CD4: variants seen among roughly 807,000 people sequenced by gnomAD.
CD4 encodes the protein T-cell surface glycoprotein CD4.
A neutral mutation model predicts 50.5 loss-of-function variants in CD4; 25 were observed. The ratio of observed to expected loss-of-function variants is 0.49; its 90% CI spans 0.36 to 0.69. The LOEUF (loss-of-function observed/expected upper bound fraction) is 0.69. CD4 is among the 30% of genes least tolerant of loss of function. CD4 has a pLI of 0.00. For missense variants in CD4, 456 were observed against 548.5 expected (o/e 0.83, Z 1.68); for synonymous variants, 207 against 221.9 (o/e 0.93, Z 0.60).
chr12:6,797,300 A>T (rs1942400999), intron 1 of CD4, among the ~76,000 whole-genome samples: 1 of 151,290 alleles, frequency 6.6e-6, no homozygotes, highest in Admixed American at 6.6e-5. Flanking sequence ...CTTCATCCAA[A>T]CCCTGGACCA....
At chr12:6,805,474 T>A (rs1172160321) in intron 3 of CD4, among the ~76,000 whole-genome samples, 2 of 151,226 alleles carry the variant, frequency 1.3e-5, no homozygotes, top group African/African-American at 4.9e-5. Context: ...GGCAGGAGAA[T>A]TGCTTCAACC....
chr12:6,815,758 A>G (rs749649433), intron 5 of CD4: 60 of 1,400,984 alleles, frequency 4.3e-5, no homozygotes, highest in Non-Finnish European at 5.7e-5. Context: ...TAAGGAGTGG[A>G]GGCCAAATGG....
chr12:6,802,729 A>G (rs916936137), intron 3 of CD4, among the ~76,000 whole-genome samples: 1 of 151,894 alleles, frequency 6.6e-6, no homozygotes, highest in African/African-American at 2.4e-5. Context: ...GAGACTACCA[A>G]TTATTAGACT....
intron 3 of CD4, among the ~76,000 whole-genome samples, chr12:6,808,395 G>A (rs1245156303): frequency 2.7e-4 from 33 of 122,672 alleles, no homozygotes; most frequent in Non-Finnish European, 3.4e-4. Context: ...AAGTTGCAGC[G>A]AGCCGAGATC....
chr12:6,805,984 C>T (rs1169483003), intron 3 of CD4, among the ~76,000 whole-genome samples: 1 of 151,766 alleles, frequency 6.6e-6, no homozygotes, highest in African/African-American at 2.4e-5. Flanking sequence ...AATAATTTTG[C>T]TCTGCAAAAT....
intron 7 of CD4, 103 bp downstream of exon 7, chr12:6,817,433 G>C: frequency 1.0e-6 from 1 of 976,336 alleles, no homozygotes; most frequent in Non-Finnish European, 1.6e-6. Flanking sequence ...CTGAGTTGGG[G>C]GGTTATGGGT....
chr12:6,817,876 CACACTT>C (rs1943131268), intron 7 of CD4, among the ~76,000 whole-genome samples: 1 of 149,292 alleles, frequency 6.7e-6, no homozygotes, highest in South Asian at 2.2e-4. Flanking sequence ...CATGCACACA[CACACTT>C]ACACATTCAC....
At chr12:6,813,752 A>T (rs1400835978) in intron 3 of CD4, 2 of 161,642 alleles carry the variant, frequency 1.2e-5, no homozygotes, top group African/African-American at 4.8e-5. Context: ...TAATTACTTA[A>T]TCTCAATATG....
chr12:6,801,797 T>G (rs910131216), intron 3 of CD4, among the ~76,000 whole-genome samples: 8 of 150,388 alleles, frequency 5.3e-5, no homozygotes, highest in African/African-American at 2.0e-4. Flanking sequence ...CCTGACCTCG[T>G]GATTTACCCT....
intron 3 of CD4, among the ~76,000 whole-genome samples, chr12:6,806,764 CA>C (rs1169539121): frequency 1.3e-5 from 2 of 152,340 alleles, no homozygotes; most frequent in Admixed American, 1.3e-4. Flanking sequence ...AAAATTGGAA[CA>C]CCACCAAATG....
In CD4 at chr12:6,790,141, A is replaced by AT. The variant is rs767737542; in HGVS notation, c.-68+479_-68+480insT. On this transcript the variant is annotated intron_variant, in intron 1 of 9. Coordinates refer to ENST00000011653, the MANE Select transcript of CD4 (RefSeq NM_000616.5). Reference sequence around the variant, plus strand: ...TATAAAAAAGAAATGATGAGGAAAAACATAAAAACAAGAAAAAGAGCAAAA... The same window carrying AT: ...TATAAAAAAGAAATGATGAGGAAAAATCATAAAAACAAGAAAAAGAGCAAAA... 3.1e-3 allele frequency among the ~76,000 whole-genome samples: 263 copies of AT among 84,826 alleles called. 1 individual carries two copies. The highest frequency in any genetic ancestry group is 5.4e-3 in the Non-Finnish European group (224 of 41,190). The allele number at this position is 84,826 out of a possible 152,430, so 55.6% of individuals were successfully genotyped here.
chr12:6,806,134 ACC>A, intron 3 of CD4, among the ~76,000 whole-genome samples: 1 of 120,356 alleles, frequency 8.3e-6, no homozygotes, highest in Non-Finnish European at 1.8e-5. Flanking sequence ...CCCCGTCTCT[ACC>A]AAAAAAAAAA....
At chr12:6,793,391 C>T (rs999599602) in intron 1 of CD4, among the ~76,000 whole-genome samples, 1 of 152,130 alleles carries the variant, frequency 6.6e-6, no homozygotes, top group African/African-American at 2.4e-5. Flanking sequence ...ATGGAGACTT[C>T]CCCTCTTTCA....
At position 6,805,007 on chromosome 12, in the gene CD4, C is replaced by G. The variant is rs1423723965; in HGVS notation, c.214+4536C>G. 1.7e-5 allele frequency among the ~76,000 whole-genome samples: 2 copies of G among 114,938 alleles called. 1 individual carries two copies. The highest frequency in any genetic ancestry group is 3.4e-5 in the Non-Finnish European group (2 of 57,976). 75.4% of individuals were successfully genotyped at this position (114,938 alleles called of 152,430 possible). A position where few individuals can be genotyped will look rare whatever the true frequency, so the allele number is the denominator to read the frequency against. ...CTCCAGCCTGGGTGACACAGTGAGACTACGTCTCAAAAAAAAAAAAAAAAA... is the reference window on the plus strand; with the variant it reads ...CTCCAGCCTGGGTGACACAGTGAGAGTACGTCTCAAAAAAAAAAAAAAAAA... On this transcript the variant is annotated intron_variant, in intron 3 of 9. Coordinates refer to ENST00000011653, the MANE Select transcript of CD4 (RefSeq NM_000616.5).
In CD4 at chr12:6,792,456, C is replaced by T. The variant is rs191606214; in HGVS notation, c.-68+2794C>T. Among the ~76,000 whole-genome samples the T allele has an allele frequency of 1.3e-5, 2 of 152,188 alleles. No individual in the cohort carries two copies. Among genetic ancestry groups the T allele is most frequent in the East Asian group, 3.9e-4 (2 of 5,192 alleles). On this transcript the variant is annotated intron_variant, in intron 1 of 9. Coordinates refer to ENST00000011653, the MANE Select transcript of CD4 (RefSeq NM_000616.5). The surrounding 1 kb of genome is among the most constrained non-coding windows in gnomAD (Gnocchi z 4.1). The stretch of plus-strand genomic sequence containing the variant: ...TCTTTTCCTCTTTTTTTGTACTACC[C>T]TGCGCTTTGTGTGTGATTGTGGATT...
At chr12:6,807,057 C>T (rs1298385835) in intron 3 of CD4, among the ~76,000 whole-genome samples, 13 of 152,046 alleles carry the variant, frequency 8.6e-5, no homozygotes, top group Admixed American at 2.0e-4. Context: ...GTCCCAGCTA[C>T]TCGGGAGGCT....
intron 1 of CD4, among the ~76,000 whole-genome samples, chr12:6,797,663 A>G (rs2857238): frequency 0.64 from 96,753 of 151,546 alleles, 31,131 homozygotes; most frequent in Middle Eastern, 0.7. Context: ...AGAAAAACAT[A>G]TGAGCAAAGA....
intron 6 of CD4, 62 bp from the exon 7 acceptor site, chr12:6,817,068 T>C: frequency 7.1e-7 from 1 of 1,407,814 alleles, no homozygotes; most frequent in Non-Finnish European, 1.0e-6. Flanking sequence ...CCATATAGAG[T>C]ATCATTTTAA....
At chr12:6,809,226 CTGCCACCTATTGTA>C (rs1942859868) in intron 3 of CD4, among the ~76,000 whole-genome samples, 1 of 152,126 alleles carries the variant, frequency 6.6e-6, no homozygotes, top group Non-Finnish European at 1.5e-5. Flanking sequence ...GGCATGATGT[CTGCCACCTATTGTA>C]ATCCTAGCAC....
Sources: allele counts gnomAD v4.1 joint callset (sites outside exome capture counted in the v4.1 genomes callset), GRCh38; gene constraint gnomAD v4.1.1; non-coding constraint Gnocchi (gnomAD v3.1); transcripts MANE v1.5; gene names NCBI Gene and HGNC (gene_info 2026-07-23, HGNC 2026-07-21).